Variants in ERBB4 observed in about 807,000 individuals in gnomAD.
The protein encoded by ERBB4 is erb-b2 receptor tyrosine kinase 4, also known as receptor tyrosine-protein kinase erbB-4.
Under a neutral mutation model 158.0 loss-of-function variants are expected in ERBB4, and 42 were observed. The ratio of observed to expected loss-of-function variants is 0.27; its 90% CI spans 0.21 to 0.34. The LOEUF is 0.34. ERBB4 is among the 10% of genes least tolerant of loss of function. The probability of loss-of-function intolerance (pLI) is 1.00; values close to 1 mark genes in which losing one functional copy is unlikely to be tolerated. For missense variants in ERBB4, 1,333 were observed against 1,624.1 expected (o/e 0.82, Z 3.08); for synonymous variants, 583 against 558.7 (o/e 1.04, Z -0.61).
At chr2:211,911,716 C>T (rs190520761) in intron 3 of ERBB4, among the ~76,000 whole-genome samples, 1 of 151,936 alleles carries the variant, frequency 6.6e-6, no homozygotes, top group East Asian at 1.9e-4. Context: ...AATAATCTCA[C>T]AGAAACAGCG....
Position 211,630,328 on chromosome 2 carries a change from C to T in ERBB4, c.2079+134G>A, listed in dbSNP as rs190498300. ...CTGATTTTTCACAAGCTTTGTTTAA[C>T]GGACTATAAAATAAAAAACTTAATT... On this transcript the variant is annotated intron_variant, in intron 17 of 27. Transcript: ENST00000342788. 1.7e-4 allele frequency: 173 copies of T among 998,462 alleles called. 1 individual carries two copies. The East Asian group carries it at 2.5e-3, about 14-fold the overall frequency. The allele number at this position is 998,462 out of a possible 1,614,324, so 61.9% of individuals were successfully genotyped here.
At chr2:211,775,179 C>T (rs2075841682) in intron 4 of ERBB4, among the ~76,000 whole-genome samples, 2 of 152,178 alleles carry the variant, frequency 1.3e-5, no homozygotes, top group African/African-American at 4.8e-5. Context: ...TGAGCTATCA[C>T]CAGGCTCAGT....
chr2:212,197,455 T>C (rs1283862659), intron 1 of ERBB4, among the ~76,000 whole-genome samples: 1 of 152,202 alleles, frequency 6.6e-6, no homozygotes, highest in Non-Finnish European at 1.5e-5. Flanking sequence ...CACACACTTA[T>C]GCAAAAGGTA....
chr2:211,594,526 C>T (rs375377385), intron 19 of ERBB4, among the ~76,000 whole-genome samples: 122 of 151,646 alleles, frequency 8.0e-4, no homozygotes, highest in African/African-American at 2.7e-3. Context: ...GCTATGACAT[C>T]AAATATGGAA....
intron 3 of ERBB4, among the ~76,000 whole-genome samples, chr2:211,945,095 T>C (rs1242760539): frequency 6.6e-6 from 1 of 152,066 alleles, no homozygotes; most frequent in East Asian, 1.9e-4. Flanking sequence ...ACAAAAACAA[T>C]CTTACCTGAA....
At chr2:211,555,347 G>A (rs901257772) in intron 20 of ERBB4, among the ~76,000 whole-genome samples, 9 of 152,196 alleles carry the variant, frequency 5.9e-5, no homozygotes, top group African/African-American at 2.2e-4. Context: ...CCCTATGCCC[G>A]GCTAATTTTG....
chr2:211,813,623 T>A (rs1238744408), intron 3 of ERBB4, among the ~76,000 whole-genome samples: 11 of 152,076 alleles, frequency 7.2e-5, no homozygotes, highest in Admixed American at 6.6e-4. Flanking sequence ...TTTCTGGGAG[T>A]TTTTTTCCCC....
At chr2:212,217,647 A>G (rs11677623) in intron 1 of ERBB4, among the ~76,000 whole-genome samples, 74,494 of 150,954 alleles carry the variant, frequency 0.49, 18,801 homozygotes, top group East Asian at 0.77. Flanking sequence ...TATTGTCATC[A>G]GAACACATCA....
At chr2:211,880,593 A>T in intron 3 of ERBB4, among the ~76,000 whole-genome samples, 1 of 152,302 alleles carries the variant, frequency 6.6e-6, no homozygotes, top group East Asian at 1.9e-4. Context: ...ACCCATACTA[A>T]CATGTTATAA....
chr2:212,170,559 C>T (rs1335551206), intron 1 of ERBB4, among the ~76,000 whole-genome samples: 1 of 152,192 alleles, frequency 6.6e-6, no homozygotes, highest in Non-Finnish European at 1.5e-5. Context: ...CCTCCCATCA[C>T]AGGCACGTAG....
chr2:212,424,647 C>T (rs985927154), intron 1 of ERBB4, among the ~76,000 whole-genome samples: 6 of 152,122 alleles, frequency 3.9e-5, no homozygotes, highest in Non-Finnish European at 7.4e-5. Flanking sequence ...CCTCTAATAA[C>T]AGCTATAGCT....
intron 1 of ERBB4, among the ~76,000 whole-genome samples, chr2:212,392,118 A>G (rs979454729): frequency 6.6e-6 from 1 of 151,734 alleles, no homozygotes; most frequent in African/African-American, 2.4e-5. Context: ...GAGGGTCTGT[A>G]AAACATACAT....
rs192530059 is a variant in ERBB4 at position 212,384,773 on chromosome 2, T to C, written c.82+153676A>G. ...TTTCTAAAGGTAATGGGAACCAATA[T>C]GGATTTTCCTAAGAAAACATCTGGC... On this transcript the variant is annotated intron_variant, in intron 1 of 27. Transcript: ENST00000342788. Among the ~76,000 whole-genome samples the C allele has an allele frequency of 1.6e-3, 247 of 151,344 alleles. 2 individuals are homozygous for C. Among genetic ancestry groups the C allele is most frequent in the African/African-American group, 5.6e-3 (232 of 41,378 alleles).
At chr2:212,213,504 C>A (rs13421237) in intron 1 of ERBB4, among the ~76,000 whole-genome samples, 84,303 of 151,552 alleles carry the variant, frequency 0.56, 23,656 homozygotes, top group East Asian at 0.77. Flanking sequence ...TTTATGGGGG[C>A]AGCTAAAAGA....
intron 19 of ERBB4, among the ~76,000 whole-genome samples, chr2:211,611,993 T>C (rs1245787661): frequency 3.3e-5 from 5 of 152,132 alleles, no homozygotes; most frequent in African/African-American, 1.2e-4. Context: ...AGAGGGTACA[T>C]GAATACCATG....
At chr2:211,462,929 A>G (rs1416412166) in intron 20 of ERBB4, among the ~76,000 whole-genome samples, 2 of 152,324 alleles carry the variant, frequency 1.3e-5, no homozygotes, top group East Asian at 3.9e-4. Context: ...AAAGTAACAC[A>G]TCTAAGACCA....
intron 3 of ERBB4, among the ~76,000 whole-genome samples, chr2:211,823,085 T>G (rs865963864): frequency 2.0e-5 from 3 of 151,984 alleles, no homozygotes; most frequent in African/African-American, 7.2e-5. Context: ...TAGATGAACT[T>G]GTGCTTGGAG....
chr2:211,889,334 G>C (rs918657435), intron 3 of ERBB4, among the ~76,000 whole-genome samples: 11 of 145,690 alleles, frequency 7.6e-5, no homozygotes, highest in South Asian at 2.1e-4. Context: ...CTGCAGCTGA[G>C]GGTCCTCTCT....
chr2:212,129,006 T>G (rs748127204), intron 1 of ERBB4, among the ~76,000 whole-genome samples: 27 of 152,078 alleles, frequency 1.8e-4, no homozygotes, highest in Non-Finnish European at 3.1e-4. Flanking sequence ...ATAAAATGAC[T>G]GTTGAGAAAA....
Sources: gnomAD v4.1 joint callset for allele counts (sites outside exome capture counted in the v4.1 genomes callset) on GRCh38, gnomAD v4.1.1 for gene constraint, MANE v1.5 for transcripts, NCBI Gene and HGNC (gene_info 2026-07-23, HGNC 2026-07-21) for gene names.